CDH18: variants seen among roughly 807,000 people sequenced by gnomAD.
The protein encoded by CDH18 is cadherin-18.
Under a neutral mutation model 67.9 loss-of-function variants are expected in CDH18, and 31 were observed. The ratio of observed to expected loss-of-function variants is 0.46; its 90% CI spans 0.34 to 0.62. The LOEUF is 0.62. CDH18 is among the 20% of genes least tolerant of loss of function. CDH18 has a pLI of 0.01. For missense variants in CDH18, 890 were observed against 975.5 expected (o/e 0.91, Z 1.17); for synonymous variants, 362 against 347.2 (o/e 1.04, Z -0.48).
At chr5:19,496,356 T>C (rs1742325581) in intron 11 of CDH18, among the ~76,000 whole-genome samples, 2 of 152,196 alleles carry the variant, frequency 1.3e-5, no homozygotes, top group East Asian at 3.9e-4. Context: ...CATATTATCA[T>C]TTGATCTTCT....
At chr5:19,493,944 A>G (rs1741883699) in intron 11 of CDH18, among the ~76,000 whole-genome samples, 1 of 152,124 alleles carries the variant, frequency 6.6e-6, no homozygotes, top group South Asian at 2.1e-4. Flanking sequence ...GTATTTTGAA[A>G]TACCATTGCT....
At chr5:19,586,288 C>T (rs188477921) in intron 7 of CDH18, among the ~76,000 whole-genome samples, 11 of 151,936 alleles carry the variant, frequency 7.2e-5, no homozygotes, top group Middle Eastern at 3.4e-3. Context: ...GGTGGTCTGC[C>T]GCACAGATTA....
chr5:19,556,351 T>G (rs1738414235), intron 8 of CDH18, among the ~76,000 whole-genome samples: 1 of 151,882 alleles, frequency 6.6e-6, no homozygotes, highest in African/African-American at 2.4e-5. Context: ...AAGGTGAAGT[T>G]CAACTTAAAG....
intron 3 of CDH18, among the ~76,000 whole-genome samples, chr5:19,829,980 T>C (rs767558788): frequency 6.6e-6 from 1 of 152,300 alleles, no homozygotes; most frequent in South Asian, 2.1e-4. Context: ...GATAACGGTA[T>C]AGCCATATGA....
At chr5:20,074,016 T>G (rs1322906173) in intron 2 of CDH18, among the ~76,000 whole-genome samples, 2 of 152,252 alleles carry the variant, frequency 1.3e-5, no homozygotes, top group South Asian at 2.1e-4. Flanking sequence ...AATTTTTCTT[T>G]ACGTAATCAG....
intron 1 of CDH18, among the ~76,000 whole-genome samples, chr5:20,391,578 G>C (rs1207690966): frequency 6.6e-6 from 1 of 151,936 alleles, no homozygotes; most frequent in Non-Finnish European, 1.5e-5. Context: ...AATCAGCTGT[G>C]AGATTCTACT....
chr5:19,780,104 A>G (rs1408722345), intron 3 of CDH18, among the ~76,000 whole-genome samples: 1 of 152,102 alleles, frequency 6.6e-6, no homozygotes, highest in Non-Finnish European at 1.5e-5. Context: ...ATAGGGCAGT[A>G]TCTGTTTATT....
intron 2 of CDH18, among the ~76,000 whole-genome samples, chr5:19,970,615 G>A (rs1229891715): frequency 1.3e-5 from 2 of 151,596 alleles, no homozygotes; most frequent in South Asian, 2.1e-4. Flanking sequence ...TGGGTAAACC[G>A]AAGACAACTA....
intron 2 of CDH18, among the ~76,000 whole-genome samples, chr5:20,177,581 A>AGGTGTGTCTGTGAG (rs1379904163): frequency 6.6e-5 from 10 of 152,030 alleles, no homozygotes; most frequent in Non-Finnish European, 1.5e-4. Context: ...ACATTATTCT[A>AGGTGTGTCTGTGAG]GGTGTGTCTG....
At chr5:19,544,578 C>A (rs1387191300) in intron 8 of CDH18, among the ~76,000 whole-genome samples, 1 of 152,098 alleles carries the variant, frequency 6.6e-6, no homozygotes, top group Non-Finnish European at 1.5e-5. Context: ...TTATAGGCCA[C>A]AAATTATTTT....
intron 2 of CDH18, among the ~76,000 whole-genome samples, chr5:19,925,001 T>G (rs1261411604): frequency 2.0e-5 from 3 of 152,162 alleles, no homozygotes; most frequent in African/African-American, 7.2e-5. Flanking sequence ...CCCCAGAAAC[T>G]TAGCAACTGA....
chr5:20,238,472 T>C lies in CDH18; in HGVS notation c.-518+16972A>G, dbSNP rs1276244456. 2.0e-5 allele frequency among the ~76,000 whole-genome samples: 3 copies of C among 152,102 alleles called. No individual in the cohort carries two copies. The South Asian group carries it at 6.2e-4, about 31-fold the overall frequency. On this transcript the variant is annotated intron_variant, in intron 2 of 14. Transcript: ENST00000507958. Reference sequence around the variant, plus strand: ...TAGGCAAATATGCACATGAGATTAATTGTTAAGAAAATACAAAATAAAACT... The same window carrying C: ...TAGGCAAATATGCACATGAGATTAACTGTTAAGAAAATACAAAATAAAACT...
At chr5:19,785,674 AAAAAAATATATATATATATATATAT>A (rs1775659455) in intron 3 of CDH18, among the ~76,000 whole-genome samples, 1 of 61,714 alleles carries the variant, frequency 1.6e-5, no homozygotes. Context: ...AAAAAAAAAA[AAAAAAATATATATATATATATATAT>A]ATATATATAT....
chr5:20,389,038 G>A (rs957210633), intron 1 of CDH18, among the ~76,000 whole-genome samples: 2 of 152,128 alleles, frequency 1.3e-5, no homozygotes, highest in Non-Finnish European at 2.9e-5. Flanking sequence ...GTTGACTTGG[G>A]GTGGAGAGAT....
At chr5:19,817,836 T>C (rs1779455460) in intron 3 of CDH18, among the ~76,000 whole-genome samples, 1 of 152,098 alleles carries the variant, frequency 6.6e-6, no homozygotes, top group South Asian at 2.1e-4. Context: ...ATTTTTGAAT[T>C]TGTGAGTCCT....
At chr5:20,362,927 T>C (rs1039246293) in intron 1 of CDH18, among the ~76,000 whole-genome samples, 1 of 152,146 alleles carries the variant, frequency 6.6e-6, no homozygotes, top group African/African-American at 2.4e-5. Flanking sequence ...AGCATACTAT[T>C]GAAAAAGTAG....
chr5:19,600,361 A>G (rs1258647207), intron 6 of CDH18, among the ~76,000 whole-genome samples: 1 of 151,830 alleles, frequency 6.6e-6, no homozygotes, highest in Non-Finnish European at 1.5e-5. Flanking sequence ...TTAAAAATAA[A>G]AATAAAAATA....
intron 11 of CDH18, among the ~76,000 whole-genome samples, chr5:19,485,432 T>A (rs1230777255): frequency 6.6e-6 from 1 of 152,084 alleles, no homozygotes; most frequent in Non-Finnish European, 1.5e-5. Flanking sequence ...ATTTTTTGTA[T>A]TTTTAGTAGA....
At chr5:19,622,303 G>GA (rs1199614631) in intron 5 of CDH18, among the ~76,000 whole-genome samples, 2 of 152,192 alleles carry the variant, frequency 1.3e-5, no homozygotes, top group Admixed American at 1.3e-4. Context: ...TTGTATAACA[G>GA]AAAAAAGAGT....
Sources: gnomAD v4.1 joint callset for allele counts (sites outside exome capture counted in the v4.1 genomes callset) on GRCh38, gnomAD v4.1.1 for gene constraint, MANE v1.5 for transcripts, NCBI Gene and HGNC (gene_info 2026-07-23, HGNC 2026-07-21) for gene names.